Variants in QSER1 observed in about 807,000 individuals in gnomAD.
The protein encoded by QSER1 is glutamine and serine-rich protein 1.
In QSER1, 49 loss-of-function variants were observed where a neutral mutation model predicts 158.5. The ratio of observed to expected loss-of-function variants is 0.31; its 90% CI spans 0.25 to 0.39. QSER1 has a LOEUF of 0.39. Ranked by LOEUF, QSER1 falls within the 10% of genes least tolerant of loss-of-function variation. The pLI, the probability that QSER1 is intolerant of heterozygous loss-of-function variation, is 1.00. For synonymous variants in QSER1, 650 were observed against 715.5 expected (o/e 0.91, Z 1.46); for missense variants, 1,754 against 2,010.3 (o/e 0.87, Z 2.44).
At chr11:32,973,707 G>C (rs548355991) in intron 11 of QSER1, among the ~76,000 whole-genome samples, 158 bp downstream of exon 11, 1 of 152,196 alleles carries the variant, frequency 6.6e-6, no homozygotes, top group African/African-American at 2.4e-5. Flanking sequence ...GAACAGGGAC[G>C]CATGGTGGTT....
At chr11:32,946,519 G>A (rs1178977918) in intron 4 of QSER1, among the ~76,000 whole-genome samples, 1 of 152,222 alleles carries the variant, frequency 6.6e-6, no homozygotes, top group Non-Finnish European at 1.5e-5. Flanking sequence ...GGGTGCCCCT[G>A]CTGGAGGGTG....
intron 10 of QSER1, among the ~76,000 whole-genome samples, chr11:32,969,869 G>C (rs1852820725): frequency 6.6e-6 from 1 of 151,936 alleles, no homozygotes; most frequent in Non-Finnish European, 1.5e-5. Context: ...ATTTTTAGTA[G>C]AGACAGGATT....
In QSER1 at chr11:32,920,365, ATAAT is replaced by A. The variant is rs747645531; in HGVS notation, c.210-6786_210-6783del. On this transcript the variant is annotated intron_variant, in intron 1 of 12. Transcript: ENST00000650167. ...GGACTCCTACCTCACACCATATAAAATAATTAATTTGAAATGGATCTGTCATCCT... is the reference window on the plus strand; with the variant it reads ...GGACTCCTACCTCACACCATATAAAATAATTTGAAATGGATCTGTCATCCT... Among the ~76,000 whole-genome samples, 29 of 152,332 alleles carry A rather than the reference ATAAT, an allele frequency of 1.9e-4. No individual in the cohort carries two copies. The Middle Eastern group carries it at 0.01, about 54-fold the overall frequency.
At position 32,953,866 on chromosome 11, in the gene QSER1, A is replaced by G. The variant is rs1402840537; in HGVS notation, c.4187A>G (p.Gln1396Arg). ...CTTGGTTTTGTTTCAGAAGCCCTACAGGTGGCAACTACTAGCCCAACTGCC... is the reference window on the plus strand; with the variant it reads ...CTTGGTTTTGTTTCAGAAGCCCTACGGGTGGCAACTACTAGCCCAACTGCC... ...SDKKKKTEAL[Q>R]VATTSPTANT... Residue 1396 changes from glutamine to arginine, a missense_variant, in exon 5 of 13, where the codon CAG becomes CGG. Gln to Arg is a conservative substitution (Grantham distance 43). This residue lies in a region of QSER1 where 1,707 missense variants were observed against 1,919.6 expected (regional missense o/e 0.89). Transcript: ENST00000650167. 9 of 1,610,412 alleles carry G rather than the reference A, an allele frequency of 5.6e-6. No individual in the cohort carries two copies. The highest frequency in any genetic ancestry group is 7.6e-6 in the Non-Finnish European group (9 of 1,177,560).
chr11:32,969,999 A>G (rs1852823132), intron 10 of QSER1, among the ~76,000 whole-genome samples: 1 of 152,108 alleles, frequency 6.6e-6, no homozygotes, highest in African/African-American at 2.4e-5. Context: ...TTTTTATTTC[A>G]GTTGGAGAAA....
At chr11:32,948,978 C>G (rs1040562437) in intron 4 of QSER1, among the ~76,000 whole-genome samples, 16 of 152,158 alleles carry the variant, frequency 1.1e-4, no homozygotes, top group African/African-American at 3.6e-4. Flanking sequence ...CCAAATCTGT[C>G]AATATCTTCC....
chr11:32,942,756 C>G (rs1852262639), intron 4 of QSER1, among the ~76,000 whole-genome samples: 1 of 151,954 alleles, frequency 6.6e-6, no homozygotes, highest in Non-Finnish European at 1.5e-5. Flanking sequence ...GTAGTTTTTT[C>G]CAATTCTGTG....
At chr11:32,930,338 T>C (rs1852029683) in intron 3 of QSER1, among the ~76,000 whole-genome samples, 1 of 152,220 alleles carries the variant, frequency 6.6e-6, no homozygotes, top group Admixed American at 6.5e-5. Flanking sequence ...CAGTGTATTA[T>C]TTTAAACATT....
intron 9 of QSER1, among the ~76,000 whole-genome samples, chr11:32,966,775 A>G (rs986396147): frequency 1.3e-5 from 2 of 152,240 alleles, no homozygotes; most frequent in African/African-American, 4.8e-5. Flanking sequence ...AATAATTGGA[A>G]AGATGAACCA....
In QSER1 at chr11:32,966,315, C is replaced by T; in HGVS notation, c.4985C>T (p.Ala1662Val). ...SSDDEEFEPP[A>V]PFVTRFLNTR... ...TCCCTCCCAGAATTTGAACCTCCCG[C>T]TCCCTTTGTCACTCGCTTTTTGAAC... Residue 1662 changes from alanine (A) to valine (V), a missense_variant, in exon 9 of 13, where the codon GCT (alanine) becomes GTT (valine). This residue lies in a region of QSER1 where 1,707 missense variants were observed against 1,919.6 expected (regional missense o/e 0.89). Transcript: ENST00000650167. 6.2e-7 allele frequency: 1 copy of T among 1,613,686 alleles called. No individual in the cohort carries two copies. Among genetic ancestry groups the T allele is most frequent in the Non-Finnish European group, 8.5e-7 (1 of 1,179,846 alleles).
At chr11:32,916,806 T>C (rs1205803718) in intron 1 of QSER1, among the ~76,000 whole-genome samples, 1 of 148,900 alleles carries the variant, frequency 6.7e-6, no homozygotes, top group Non-Finnish European at 1.5e-5. Context: ...TGAGATGGAG[T>C]CTCAGAGTCT....
At chr11:32,962,126 C>T (rs1317267111) in intron 8 of QSER1, among the ~76,000 whole-genome samples, 1 of 152,132 alleles carries the variant, frequency 6.6e-6, no homozygotes, top group African/African-American at 2.4e-5. Flanking sequence ...CCAATTTTTC[C>T]ACATCCTTTG....
intron 1 of QSER1, among the ~76,000 whole-genome samples, chr11:32,897,840 C>T (rs768234416): frequency 1.3e-5 from 2 of 152,196 alleles, no homozygotes; most frequent in Non-Finnish European, 2.9e-5. Context: ...TCTAGTGAGG[C>T]CCATCTCAGT....
chr11:32,966,203 G>A (rs1564947204), intron 8 of QSER1, 97 bp from the exon 9 acceptor site: 1 of 1,309,116 alleles, frequency 7.6e-7, no homozygotes, highest in Admixed American at 2.2e-5. Flanking sequence ...TGAAGAAATT[G>A]TATCTGCAAT....
At position 32,933,731 on chromosome 11, in the gene QSER1, G is replaced by C. The variant is rs747018854; in HGVS notation, c.2473G>C (p.Asp825His). The part of the protein sequence containing the change: ...VHESKVQEQH[D>H]QIINASSQIQ... ...TGAGTCCAAGGTCCAGGAACAGCAC[G>C]ATCAAATAATTAATGCTTCATCTCA... The change falls in exon 4 of 13, where the codon GAT becomes CAT. Residue 825 changes from aspartate to histidine, a missense_variant. Physicochemically the swap from Asp to His is moderately conservative, Grantham distance 81 (BLOSUM62 -1). Coordinates refer to ENST00000650167, the MANE Select transcript of QSER1 (RefSeq NM_001076786.3). The C allele has an allele frequency of 1.9e-6, 3 of 1,613,948 alleles. No individual in the cohort carries two copies. The highest frequency in any genetic ancestry group is 2.5e-6 in the Non-Finnish European group (3 of 1,179,956).
At chr11:32,945,276 A>G (rs1852310354) in intron 4 of QSER1, among the ~76,000 whole-genome samples, 1 of 150,596 alleles carries the variant, frequency 6.6e-6, no homozygotes, top group Non-Finnish European at 1.5e-5. Context: ...TGATCCTGTC[A>G]TTATGATGTT....
chr11:32,957,606 G>C (rs1447356619), intron 7 of QSER1, among the ~76,000 whole-genome samples: 2 of 152,060 alleles, frequency 1.3e-5, no homozygotes, highest in Non-Finnish European at 2.9e-5. Context: ...AAATCAAGGA[G>C]GGCAATGAAG....
intron 4 of QSER1, among the ~76,000 whole-genome samples, chr11:32,937,158 C>T (rs890796454): frequency 6.6e-6 from 1 of 152,210 alleles, no homozygotes; most frequent in Non-Finnish European, 1.5e-5. Context: ...TCATCATAAA[C>T]CCGATCCTTA....
intron 10 of QSER1, 144 bp downstream of exon 10, chr11:32,969,287 A>T (rs1852807077): frequency 3.4e-6 from 2 of 591,544 alleles, no homozygotes; most frequent in Admixed American, 7.5e-5. Context: ...AAGTCCATTT[A>T]GTTTGTCTGC....
Sources: gnomAD v4.1 joint callset for allele counts (sites outside exome capture counted in the v4.1 genomes callset) on GRCh38, gnomAD v4.1.1 for gene constraint, gnomAD v4.1.1 regional missense constraint, MANE v1.5 for transcripts, NCBI Gene and HGNC (gene_info 2026-07-23, HGNC 2026-07-21) for gene names.